BTBD9: variants seen among roughly 807,000 people sequenced by gnomAD.
BTBD9 encodes BTB/POZ domain-containing protein 9.
Under a neutral mutation model 64.3 loss-of-function variants are expected in BTBD9, and 49 were observed. The observed-to-expected ratio is 0.76, with a 90% CI of 0.61 to 0.97. The LOEUF is 0.97. Among genes scored for constraint, BTBD9 ranks in the 50% least tolerant of loss-of-function variants. The pLI is 0.00. For synonymous variants in BTBD9, 260 were observed against 274.7 expected (o/e 0.95, Z 0.53); for missense variants, 598 against 762.1 (o/e 0.78, Z 2.53).
intron 6 of BTBD9, among the ~76,000 whole-genome samples, chr6:38,363,749 A>G (rs115232014): frequency 6.6e-6 from 1 of 152,212 alleles, no homozygotes; most frequent in Non-Finnish European, 1.5e-5. Flanking sequence ...TGAGAGGCAT[A>G]TTACTGGGAG....
At chr6:38,491,636 G>A (rs1771706368) in intron 6 of BTBD9, among the ~76,000 whole-genome samples, 1 of 151,934 alleles carries the variant, frequency 6.6e-6, no homozygotes, top group Non-Finnish European at 1.5e-5. Flanking sequence ...AAACACTGAT[G>A]ACATTGCATC....
At chr6:38,217,941 C>G (rs1763068455) in intron 9 of BTBD9, among the ~76,000 whole-genome samples, 1 of 152,108 alleles carries the variant, frequency 6.6e-6, no homozygotes, top group Non-Finnish European at 1.5e-5. Flanking sequence ...CAAGGGATGT[C>G]CTACCTGTTG....
intron 1 of BTBD9, among the ~76,000 whole-genome samples, chr6:38,606,133 C>T (rs1248084519): frequency 6.6e-6 from 1 of 152,132 alleles, no homozygotes; most frequent in Non-Finnish European, 1.5e-5. Context: ...CAGGGGCTCT[C>T]GGGCCTTTGG....
chr6:38,436,603 T>C (rs28587676), intron 6 of BTBD9, among the ~76,000 whole-genome samples: 5,850 of 151,906 alleles, frequency 0.039, 266 homozygotes, highest in East Asian at 0.13. Flanking sequence ...CTCAAATTCC[T>C]GACCTCAGGT....
intron 6 of BTBD9, among the ~76,000 whole-genome samples, chr6:38,422,036 C>G (rs1307914022): frequency 6.6e-6 from 1 of 152,124 alleles, no homozygotes; most frequent in Non-Finnish European, 1.5e-5. Flanking sequence ...AAGCCAGTGC[C>G]TTCAAATGCA....
At chr6:38,414,503 CCCTT>C (rs1375264355) in intron 6 of BTBD9, among the ~76,000 whole-genome samples, 7 of 152,128 alleles carry the variant, frequency 4.6e-5, no homozygotes, top group Non-Finnish European at 1.0e-4. Context: ...AACAGAAAGA[CCCTT>C]TTCTCCCTCT....
chr6:38,623,654 C>T (rs1430210065), intron 1 of BTBD9, among the ~76,000 whole-genome samples: 2 of 152,198 alleles, frequency 1.3e-5, no homozygotes, highest in Non-Finnish European at 2.9e-5. Flanking sequence ...TGAAATCAGA[C>T]AACGCCTCTC....
chr6:38,397,352 T>TAGAAA (rs1562126913), intron 6 of BTBD9, among the ~76,000 whole-genome samples: 3 of 152,148 alleles, frequency 2.0e-5, no homozygotes, highest in Non-Finnish European at 4.4e-5. Context: ...AATGGAGATG[T>TAGAAA]AGAAAAGAAG....
At chr6:38,528,667 T>C (rs1773630885) in intron 6 of BTBD9, among the ~76,000 whole-genome samples, 1 of 152,078 alleles carries the variant, frequency 6.6e-6, no homozygotes, top group Non-Finnish European at 1.5e-5. Flanking sequence ...TCTAAACACA[T>C]CTTGGGCCAG....
intron 6 of BTBD9, among the ~76,000 whole-genome samples, chr6:38,554,388 T>C (rs1398681482): frequency 2.0e-5 from 3 of 152,136 alleles, no homozygotes; most frequent in Non-Finnish European, 4.4e-5. Flanking sequence ...GAAAAATAAA[T>C]GGAAGTGCCA....
chr6:38,361,440 T>C (rs1159638782), intron 6 of BTBD9, among the ~76,000 whole-genome samples: 2 of 151,992 alleles, frequency 1.3e-5, no homozygotes, highest in Non-Finnish European at 2.9e-5. Flanking sequence ...TCCTAGCTAC[T>C]GGAGGGATGG....
chr6:38,486,815 G>A (rs1413747228), intron 6 of BTBD9, among the ~76,000 whole-genome samples: 2 of 152,192 alleles, frequency 1.3e-5, no homozygotes, highest in African/African-American at 2.4e-5. Context: ...TGTTGAACAC[G>A]GAGTTGCCAT....
chr6:38,304,545 C>CA (rs1762550606), intron 7 of BTBD9, among the ~76,000 whole-genome samples: 2 of 141,672 alleles, frequency 1.4e-5, no homozygotes, highest in African/African-American at 5.1e-5. Context: ...GGCTCCGTCT[C>CA]AAAAAACAAA....
intron 6 of BTBD9, among the ~76,000 whole-genome samples, chr6:38,434,952 T>G (rs929214156): frequency 1.3e-5 from 2 of 151,768 alleles, no homozygotes; most frequent in Non-Finnish European, 2.9e-5. Flanking sequence ...CCCAACACTT[T>G]GGGAGGCCGA....
chr6:38,536,669 C>T (rs1456933520), intron 6 of BTBD9, among the ~76,000 whole-genome samples: 1 of 152,076 alleles, frequency 6.6e-6, no homozygotes, highest in Non-Finnish European at 1.5e-5. Context: ...CTATCATTTG[C>T]ACAACATGGA....
chr6:38,569,019 A>C (rs1775640812), intron 6 of BTBD9, among the ~76,000 whole-genome samples: 1 of 152,224 alleles, frequency 6.6e-6, no homozygotes, highest in Non-Finnish European at 1.5e-5. Context: ...GGGTGGGTAG[A>C]TGGTAAACAG....
chr6:38,491,337 G>A (rs1771693256), intron 6 of BTBD9, among the ~76,000 whole-genome samples: 1 of 152,210 alleles, frequency 6.6e-6, no homozygotes, highest in African/African-American at 2.4e-5. Flanking sequence ...GCATTGTGTT[G>A]TGGGTGCCAC....
At chr6:38,331,139 A>G (rs1282501810) in intron 7 of BTBD9, among the ~76,000 whole-genome samples, 1 of 152,246 alleles carries the variant, frequency 6.6e-6, no homozygotes, top group Non-Finnish European at 1.5e-5. Context: ...TGCAATGTAT[A>G]TAAAAGGCAA....
intron 6 of BTBD9, among the ~76,000 whole-genome samples, chr6:38,470,836 C>T (rs1247170143): frequency 6.6e-6 from 1 of 152,204 alleles, no homozygotes; most frequent in African/African-American, 2.4e-5. Context: ...ACAGGCCAAG[C>T]AAAATGCCAG....
Sources: allele counts gnomAD v4.1 joint callset (sites outside exome capture counted in the v4.1 genomes callset), GRCh38; gene constraint gnomAD v4.1.1; transcripts MANE v1.5; gene names NCBI Gene and HGNC (gene_info 2026-07-23, HGNC 2026-07-21).